Variants in PCDHA4 observed in about 807,000 individuals in gnomAD.
The protein encoded by PCDHA4 is protocadherin alpha-4.
PCDHA4 carries 49 observed loss-of-function variants against 61.4 expected under a neutral mutation model. The observed-to-expected ratio is 0.80, with a 90% CI of 0.63 to 1.01. The LOEUF (loss-of-function observed/expected upper bound fraction) is 1.01. Ranked by LOEUF, PCDHA4 falls within the 50% of genes least tolerant of loss-of-function variation. The pLI is 0.00. For missense variants in PCDHA4, 1,254 were observed against 1,235.8 expected (o/e 1.01, Z -0.22); for synonymous variants, 590 against 550.3 (o/e 1.07, Z -1.01).
intron 1 of PCDHA4, among the ~76,000 whole-genome samples, chr5:140,934,682 A>G (rs2089985981): frequency 6.6e-6 from 1 of 152,156 alleles, no homozygotes; most frequent in Non-Finnish European, 1.5e-5. Flanking sequence ...AGTATTCAAA[A>G]CAATGAATTG....
intron 3 of PCDHA4, among the ~76,000 whole-genome samples, chr5:140,986,402 A>G (rs782590214): frequency 6.6e-6 from 1 of 152,192 alleles, no homozygotes; most frequent in Non-Finnish European, 1.5e-5. Context: ...CCAGTCGCTC[A>G]TGTTACAGCT....
chr5:140,864,460 T>C (rs2048484111), intron 1 of PCDHA4: 1 of 152,246 alleles, frequency 6.6e-6, no homozygotes, highest in African/African-American at 2.4e-5. Flanking sequence ...AATATCCATC[T>C]TTTTTGAGAT....
At chr5:140,850,996 T>A (rs2150505224) in intron 1 of PCDHA4, 3 of 1,441,956 alleles carry the variant, frequency 2.1e-6, no homozygotes, top group South Asian at 1.6e-5. Flanking sequence ...TTTCTAGAAA[T>A]CCAGCAGATT....
chr5:140,884,684 T>C (rs2060315542), intron 1 of PCDHA4: 1 of 1,543,214 alleles, frequency 6.5e-7, no homozygotes. Flanking sequence ...TTTTAAAAAA[T>C]TGTCTTAGTA....
intron 1 of PCDHA4, chr5:140,828,557 G>A (rs2150156689): frequency 6.2e-7 from 1 of 1,614,210 alleles, no homozygotes; most frequent in South Asian, 1.1e-5. Context: ...TCCACTGGAG[G>A]GCGCGTCCGA....
chr5:140,898,548 T>C (rs1445483717), intron 1 of PCDHA4, among the ~76,000 whole-genome samples: 2 of 152,252 alleles, frequency 1.3e-5, no homozygotes, highest in Non-Finnish European at 2.9e-5. Context: ...CATTTATCTA[T>C]GTCTCTGTTT....
At chr5:140,854,961 T>C (rs557755220) in intron 1 of PCDHA4, among the ~76,000 whole-genome samples, 1 of 150,064 alleles carries the variant, frequency 6.7e-6, no homozygotes, top group South Asian at 2.1e-4. Flanking sequence ...TTAATTACTT[T>C]ATTCAGAATT....
At chr5:140,862,749 G>A (rs993473584) in intron 1 of PCDHA4, 2 of 579,518 alleles carry the variant, frequency 3.5e-6, no homozygotes, top group Non-Finnish European at 6.7e-6. Context: ...GGGTGCACGC[G>A]GAGAGCGGCA....
At chr5:140,995,087 C>T (rs1482673933) in intron 3 of PCDHA4, among the ~76,000 whole-genome samples, 1 of 152,222 alleles carries the variant, frequency 6.6e-6, no homozygotes, top group Non-Finnish European at 1.5e-5. Flanking sequence ...CCAAACTTAT[C>T]TGTGGAGATA....
intron 1 of PCDHA4, among the ~76,000 whole-genome samples, chr5:140,889,098 T>C (rs1252119447): frequency 6.6e-6 from 1 of 152,012 alleles, no homozygotes; most frequent in African/African-American, 2.4e-5. Flanking sequence ...AACAATTTTT[T>C]CATCTTTATT....
intron 1 of PCDHA4, among the ~76,000 whole-genome samples, chr5:140,971,186 G>T (rs1052745272): frequency 1.8e-4 from 28 of 152,258 alleles, no homozygotes; most frequent in African/African-American, 6.7e-4. Context: ...TAAGCCGGAA[G>T]CTCAGAGGAA....
At chr5:140,900,100 A>G (rs1453942019) in intron 1 of PCDHA4, among the ~76,000 whole-genome samples, 1 of 152,162 alleles carries the variant, frequency 6.6e-6, no homozygotes, top group African/African-American at 2.4e-5. Flanking sequence ...ATGCGCCACC[A>G]TACCTGGCCT....
chr5:140,883,256 A>G, intron 1 of PCDHA4: 2 of 1,614,146 alleles, frequency 1.2e-6, no homozygotes, highest in Non-Finnish European at 1.7e-6. Flanking sequence ...AAATATTCCA[A>G]TGGCGGGTCA....
chr5:140,830,343 C>T (rs2150185146), intron 1 of PCDHA4: 1 of 1,614,058 alleles, frequency 6.2e-7, no homozygotes, highest in South Asian at 1.1e-5. Context: ...TGGTCGTACT[C>T]GCAGCAGAGG....
chr5:140,845,146 T>C (rs1001510444), intron 1 of PCDHA4, among the ~76,000 whole-genome samples: 2 of 149,652 alleles, frequency 1.3e-5, no homozygotes, highest in African/African-American at 4.9e-5. Context: ...TTTGAACACA[T>C]TGTGTAAAAG....
In PCDHA4 at chr5:141,011,697, T is replaced by A. The variant is rs1187125634; in HGVS notation, c.*1760T>A. ...TTTTGTTCTAGTAACAATTTTGGAATGAATACTGACAATATTCCATGAGGG... is the reference window on the plus strand; with the variant it reads ...TTTTGTTCTAGTAACAATTTTGGAAAGAATACTGACAATATTCCATGAGGG... On this transcript the variant is annotated 3_prime_UTR_variant, in exon 4 of 4. Transcript: ENST00000530339. 2 of 153,778 alleles carry A rather than the reference T, an allele frequency of 1.3e-5. No homozygotes were observed. Among genetic ancestry groups the A allele is most frequent in the Non-Finnish European group, 2.9e-5 (2 of 68,036 alleles). The allele number at this position is 153,778 out of a possible 1,614,324, so 9.5% of individuals were successfully genotyped here.
At chr5:140,869,457 T>A (rs1554163081) in intron 1 of PCDHA4, 2 of 1,614,184 alleles carry the variant, frequency 1.2e-6, no homozygotes, top group Non-Finnish European at 1.7e-6. Flanking sequence ...AGGTTTTCCA[T>A]GTGAACGTGG....
At chr5:141,004,495 C>T (rs1363359146) in intron 3 of PCDHA4, among the ~76,000 whole-genome samples, 14 of 152,182 alleles carry the variant, frequency 9.2e-5, no homozygotes, top group Admixed American at 9.2e-4. Flanking sequence ...TCTTGGCAGT[C>T]CTGCTGTGAG....
chr5:140,973,331 TGTAAAGTGACATAGTA>T (rs782725271), intron 1 of PCDHA4, among the ~76,000 whole-genome samples: 2 of 152,218 alleles, frequency 1.3e-5, no homozygotes, highest in Non-Finnish European at 2.9e-5. Context: ...TTACACTCGT[TGTAAAGTGACATAGTA>T]GTGAATTTAT....
Sources: allele counts gnomAD v4.1 joint callset (sites outside exome capture counted in the v4.1 genomes callset), GRCh38; gene constraint gnomAD v4.1.1; transcripts MANE v1.5; gene names NCBI Gene and HGNC (gene_info 2026-07-23, HGNC 2026-07-21).